MFAP2: variants seen among roughly 807,000 people sequenced by gnomAD.
The protein encoded by MFAP2 is microfibrillar-associated protein 2.
In MFAP2, 23 loss-of-function variants were observed where a neutral mutation model predicts 30.6. The ratio of observed to expected loss-of-function variants is 0.75; its 90% CI spans 0.54 to 1.07. The LOEUF (loss-of-function observed/expected upper bound fraction) is 1.07. MFAP2 is among the 50% of genes least tolerant of loss of function. The pLI, the probability that MFAP2 is intolerant of heterozygous loss-of-function variation, is 0.00. For missense variants in MFAP2, 198 were observed against 223.8 expected, an observed-to-expected ratio of 0.88 and a Z score of 0.74; for synonymous variants, 73 against 85.7, an observed-to-expected ratio of 0.85 and a Z score of 0.82.
At chr1:16,980,101 C>T (rs2284747) in intron 1 of MFAP2, among the ~76,000 whole-genome samples, 61,839 of 151,666 alleles carry the variant, frequency 0.41, 14,154 homozygotes, top group Non-Finnish European at 0.52. Flanking sequence ...TCTGCCGGCT[C>T]CAGAGCCGGG....
rs1030699306 is a variant in MFAP2, at chr1:16,977,885, T to G, written c.37+352A>C. On this transcript the variant is annotated intron_variant, in intron 2 of 8. Coordinates refer to ENST00000375535, the MANE Select transcript of MFAP2 (RefSeq NM_002403.4). Reference sequence around the variant, plus strand: ...ATAGAGCAGAAGGGCCCTGAATGGATCTAGAACTCAAGCATCCGGACTCCC... The same window carrying G: ...ATAGAGCAGAAGGGCCCTGAATGGAGCTAGAACTCAAGCATCCGGACTCCC... 3 of 285,976 alleles carry G rather than the reference T, an allele frequency of 1.0e-5. No individual in the cohort carries two copies. In the Admixed American group the frequency reaches 1.4e-4, roughly 14 times the overall value. 17.7% of individuals were successfully genotyped at this position (285,976 alleles called of 1,614,324 possible).
chr1:16,976,308 C>G lies in MFAP2; in HGVS notation c.286+193G>C. 1 of 678,868 alleles carries G rather than the reference C, an allele frequency of 1.5e-6. No homozygotes were observed. Among genetic ancestry groups the G allele is most frequent in the Non-Finnish European group, 2.5e-6 (1 of 392,622 alleles). The allele number at this position is 678,868 out of a possible 1,614,324, so 42.1% of individuals were successfully genotyped here. A position where few individuals can be genotyped will look rare whatever the true frequency, so the allele number is the denominator to read the frequency against. ...CCAATTTAGCCTCCAGCCAGGCACA[C>G]TGGGGACAGGTGGGACCTCCTGGAG... is the stretch of plus-strand genomic sequence containing the variant. On this transcript the variant is annotated intron_variant, in intron 6 of 8. Transcript: ENST00000375535. This position sits in a 1 kb window ranked among gnomAD's most constrained non-coding sequence, Gnocchi z 5.5.
chr1:16,975,149 G>T lies in MFAP2; in HGVS notation c.448+120C>A. On this transcript the variant is annotated intron_variant, in intron 8 of 8. Transcript: ENST00000375535. The surrounding 1 kb of genome is among the most constrained non-coding windows in gnomAD (Gnocchi z 5.0). ...AGTAGCAAGGAGGGGAGCTCAGGGT[G>T]TCCTGGAAGTGGGCCTGGTGGATAA... The T allele has an allele frequency of 1.6e-6, 2 of 1,268,692 alleles. No homozygotes were observed. Among genetic ancestry groups the T allele is most frequent in the Non-Finnish European group, 2.2e-6 (2 of 890,020 alleles). 78.6% of individuals were successfully genotyped at this position (1,268,692 alleles called of 1,614,324 possible).
At chr1:16,978,153 A>G in intron 2 of MFAP2, 84 bp downstream of exon 2, 2 of 1,441,690 alleles carry the variant, frequency 1.4e-6, no homozygotes, top group Non-Finnish European at 1.9e-6. Context: ...AGTCGTGACA[A>G]AGGCTCACTA....
Position 16,976,715 on chromosome 1 carries a change from T to G in MFAP2, c.234A>C (p.Pro78=), listed in dbSNP as rs757360516. 1 of 1,613,678 alleles carries G rather than the reference T, an allele frequency of 6.2e-7. No homozygotes were observed. Among genetic ancestry groups the G allele is most frequent in the Non-Finnish European group, 8.5e-7 (1 of 1,179,818 alleles). The change falls in exon 5 of 9, where the codon CCA becomes CCC. Residue 78 remains proline, a synonymous_variant. Transcript: ENST00000375535. This position sits in a 1 kb window ranked among gnomAD's most constrained non-coding sequence, Gnocchi z 5.5. Reference sequence around the variant, plus strand: ...GCAGGGTCTGGGGCCTACCTGGGGTTGGGGCTGGGATGACTTCCTGTTGGA... The same window carrying G: ...GCAGGGTCTGGGGCCTACCTGGGGTGGGGGCTGGGATGACTTCCTGTTGGA... The part of the protein sequence containing the change: ...QQVQQEVIPA[P]TPEPGNAELE...
In MFAP2 at chr1:16,976,514, C is replaced by T; in HGVS notation, c.273G>A (p.Glu91=). The T allele has an allele frequency of 1.2e-6, 2 of 1,614,246 alleles. No individual in the cohort carries two copies. Among genetic ancestry groups the T allele is most frequent in the South Asian group, 1.1e-5 (1 of 91,088 alleles). ...EPGNAELEPT[E]PGPLDCREEQ... ...GAAAGCCCTTACCAAGAGGCCCAGG[C>T]TCTGTGGGCTCCAGCTCTGCATTTC... is the stretch of plus-strand genomic sequence containing the variant. Residue 91 remains glutamate (E), a synonymous_variant, in exon 6 of 9, where the codon GAG becomes GAA. Coordinates refer to ENST00000375535, the MANE Select transcript of MFAP2 (RefSeq NM_002403.4). This position sits in a 1 kb window ranked among gnomAD's most constrained non-coding sequence, Gnocchi z 5.5.
Position 16,976,348 on chromosome 1 carries a change from TG to T in MFAP2, c.286+152del. ...ACCTCCTGGAGCTGCCTGGGGGGCC[TG>T]GTGATGCCAGCCTACGGCAGTCATA... On this transcript the variant is annotated intron_variant, in intron 6 of 8. Coordinates refer to ENST00000375535, the MANE Select transcript of MFAP2 (RefSeq NM_002403.4). This position sits in a 1 kb window ranked among gnomAD's most constrained non-coding sequence, Gnocchi z 5.5. 1.0e-6 allele frequency: 1 copy of T among 958,672 alleles called. No homozygotes were observed. The highest frequency in any genetic ancestry group is 1.6e-6 in the Non-Finnish European group (1 of 611,078). The allele number at this position is 958,672 out of a possible 1,614,324, so 59.4% of individuals were successfully genotyped here.
rs2076581797 is a variant in MFAP2, at chr1:16,975,419, ACGGGAGCCCGGACAGAACCTG to A, written c.375-98_375-78del. The A allele has an allele frequency of 1.0e-6, 1 of 956,298 alleles. No homozygotes were observed. Among genetic ancestry groups the A allele is most frequent in the Non-Finnish European group, 1.3e-6 (1 of 749,772 alleles). 59.2% of individuals were successfully genotyped at this position (956,298 alleles called of 1,614,324 possible). On this transcript the variant is annotated intron_variant, in intron 7 of 8. Coordinates refer to ENST00000375535, the MANE Select transcript of MFAP2 (RefSeq NM_002403.4). The surrounding 1 kb of genome is among the most constrained non-coding windows in gnomAD (Gnocchi z 5.0). ...TGGGATAGCCCAGACAGAACCTGGCACGGGAGCCCGGACAGAACCTGGCACGGGAGCCCGGACAGAACCTGG... is the reference window on the plus strand; with the variant it reads ...TGGGATAGCCCAGACAGAACCTGGCAGCACGGGAGCCCGGACAGAACCTGG...
At chr1:16,977,376 G>A (rs1390546037) in intron 2 of MFAP2, 178 bp from the exon 3 acceptor site, 2 of 627,520 alleles carry the variant, frequency 3.2e-6, no homozygotes, top group Non-Finnish European at 5.5e-6. Context: ...TCCCCACCCT[G>A]GTCATGGGTC....
At chr1:16,977,630 T>A (rs1424234509) in intron 2 of MFAP2, 1 of 181,154 alleles carries the variant, frequency 5.5e-6, no homozygotes, top group African/African-American at 2.4e-5. Context: ...TTCTCATGTC[T>A]GCTTGTTTCC....
At chr1:16,978,176 A>G (rs2076608618) in intron 2 of MFAP2, 61 bp downstream of exon 2, 2 of 1,520,798 alleles carry the variant, frequency 1.3e-6, no homozygotes, top group African/African-American at 2.8e-5. Flanking sequence ...AATTCCCCCT[A>G]CTAACCCTAC....
Position 16,975,408 on chromosome 1 carries a change from CAG to C in MFAP2, c.375-68_375-67del. The stretch of plus-strand genomic sequence containing the variant: ...CCCAATCCCACTGGGATAGCCCAGA[CAG>C]AACCTGGCACGGGAGCCCGGACAGA... On this transcript the variant is annotated intron_variant, in intron 7 of 8. Transcript: ENST00000375535. This position sits in a 1 kb window ranked among gnomAD's most constrained non-coding sequence, Gnocchi z 5.0. 9.6e-7 allele frequency: 1 copy of C among 1,038,202 alleles called. No homozygotes were observed. Among genetic ancestry groups the C allele is most frequent in the Non-Finnish European group, 1.2e-6 (1 of 818,392 alleles). The allele number at this position is 1,038,202 out of a possible 1,614,324, so 64.3% of individuals were successfully genotyped here.
rs754281574 is a variant in MFAP2, at chr1:16,976,493, G to GC, written c.286+7dup. 2.8e-5 allele frequency: 46 copies of GC among 1,614,212 alleles called. No individual in the cohort carries two copies. The Admixed American group carries it at 7.3e-4, about 26-fold the overall frequency. On this transcript the variant is annotated splice_region_variant and intron_variant, in intron 6 of 8. Transcript: ENST00000375535. This position sits in a 1 kb window ranked among gnomAD's most constrained non-coding sequence, Gnocchi z 5.5. ...CTCCATTTTTCCAGCTGTCAAGAAA[G>GC]CCCTTACCAAGAGGCCCAGGCTCTG...
At position 16,975,814 on chromosome 1, in the gene MFAP2, T is replaced by G. The variant is rs1371724210; in HGVS notation, c.287-84A>C. On this transcript the variant is annotated intron_variant, in intron 6 of 8. Transcript: ENST00000375535. This position sits in a 1 kb window ranked among gnomAD's most constrained non-coding sequence, Gnocchi z 5.0. ...CCACCTGAGGCTGGCTCACAGGGCC[T>G]AGTCCCCCCTGTACCTTCAGGCCCC... 2.6e-6 allele frequency: 3 copies of G among 1,169,726 alleles called. No individual in the cohort carries two copies. Among genetic ancestry groups the G allele is most frequent in the Non-Finnish European group, 3.7e-6 (3 of 800,244 alleles). The allele number at this position is 1,169,726 out of a possible 1,614,324, so 72.5% of individuals were successfully genotyped here. A position where few individuals can be genotyped will look rare whatever the true frequency, so the allele number is the denominator to read the frequency against.
At position 16,976,259 on chromosome 1, in the gene MFAP2, G is replaced by A; in HGVS notation, c.286+242C>T. 3 of 597,518 alleles carry A rather than the reference G, an allele frequency of 5.0e-6. No homozygotes were observed. Among genetic ancestry groups the A allele is most frequent in the South Asian group, 2.0e-5 (1 of 50,242 alleles). The allele number at this position is 597,518 out of a possible 1,614,324, so 37.0% of individuals were successfully genotyped here. Reference sequence around the variant, plus strand: ...ACTCCCTGCCCCTCCCAGTATCTGTGAGGTCAGGGGCCTTCCTAGGCTGCC... The same window carrying A: ...ACTCCCTGCCCCTCCCAGTATCTGTAAGGTCAGGGGCCTTCCTAGGCTGCC... On this transcript the variant is annotated intron_variant, in intron 6 of 8. Coordinates refer to ENST00000375535, the MANE Select transcript of MFAP2 (RefSeq NM_002403.4). The surrounding 1 kb of genome is among the most constrained non-coding windows in gnomAD (Gnocchi z 5.5).
chr1:16,975,382 A>G lies in MFAP2; in HGVS notation c.375-40T>C, dbSNP rs770773862. Reference sequence around the variant, plus strand: ...CACGGGAGGTCTCAGCCCCACTTCCACCCAATCCCACTGGGATAGCCCAGA... The same window carrying G: ...CACGGGAGGTCTCAGCCCCACTTCCGCCCAATCCCACTGGGATAGCCCAGA... On this transcript the variant is annotated intron_variant, in intron 7 of 8. Transcript: ENST00000375535. The surrounding 1 kb of genome is among the most constrained non-coding windows in gnomAD (Gnocchi z 5.0). The G allele has an allele frequency of 3.1e-6, 5 of 1,601,970 alleles. No homozygotes were observed. Among genetic ancestry groups the G allele is most frequent in the Non-Finnish European group, 4.3e-6 (5 of 1,171,852 alleles).
At chr1:16,981,480 T>C (rs1570743259), upstream of MFAP2, among the ~76,000 whole-genome samples, 1 of 146,346 alleles carries the variant, frequency 6.8e-6, no homozygotes, top group Non-Finnish European at 1.5e-5. Context: ...CCCTTAGCCC[T>C]GCATCTAATC....
chr1:16,975,767 G>C lies in MFAP2; in HGVS notation c.287-37C>G, dbSNP rs534786889. 3 of 1,591,034 alleles carry C rather than the reference G, an allele frequency of 1.9e-6. No homozygotes were observed. The highest frequency in any genetic ancestry group is 1.1e-5 in the South Asian group (1 of 89,602). ...TGGGGTCAGACTAGGAGCCCAGAGTGGGGGGCGGCCCCCAGCCTCACCCAC... is the reference window on the plus strand; with the variant it reads ...TGGGGTCAGACTAGGAGCCCAGAGTCGGGGGCGGCCCCCAGCCTCACCCAC... On this transcript the variant is annotated intron_variant, in intron 6 of 8. Transcript: ENST00000375535. The surrounding 1 kb of genome is among the most constrained non-coding windows in gnomAD (Gnocchi z 5.0).
intron 3 of MFAP2, 63 bp downstream of exon 3, chr1:16,977,046 G>T: frequency 6.2e-7 from 1 of 1,611,040 alleles, no homozygotes; most frequent in Non-Finnish European, 8.5e-7. Flanking sequence ...TGTCCAGTGC[G>T]GTCCCTGGCT....
Sources: gnomAD v4.1 joint callset for allele counts (sites outside exome capture counted in the v4.1 genomes callset) on GRCh38, gnomAD v4.1.1 for gene constraint, Gnocchi (gnomAD v3.1) non-coding constraint, MANE v1.5 for transcripts, NCBI Gene and HGNC (gene_info 2026-07-23, HGNC 2026-07-21) for gene names.